The following PALS2 variants were observed in gnomAD, a reference collection of about 807,000 sequenced individuals.
PALS2 encodes the protein protein associated with LIN7 2, MAGUK p55 family member, also known as protein PALS2.
Under a neutral mutation model 61.6 loss-of-function variants are expected in PALS2, and 27 were observed. The ratio of observed to expected loss-of-function variants is 0.44; its 90% CI spans 0.32 to 0.60. The LOEUF (loss-of-function observed/expected upper bound fraction) is 0.60, where lower values mean the gene tolerates loss of function less well. Ranked by LOEUF, PALS2 falls within the 20% of genes least tolerant of loss-of-function variation. The pLI, the probability that PALS2 is intolerant of heterozygous loss-of-function variation, is 0.05. For missense variants in PALS2, 554 were observed against 639.4 expected (o/e 0.87, Z 1.44); for synonymous variants, 236 against 218.6 (o/e 1.08, Z -0.70).
At chr7:24,673,408 A>G (rs997209829) in intron 9 of PALS2, among the ~76,000 whole-genome samples, 7 of 152,204 alleles carry the variant, frequency 4.6e-5, no homozygotes, top group Non-Finnish European at 8.8e-5. Flanking sequence ...AATTCAGGGC[A>G]CATAGAATGA....
At chr7:24,587,849 A>G (rs1783132419) in intron 1 of PALS2, among the ~76,000 whole-genome samples, 1 of 152,304 alleles carries the variant, frequency 6.6e-6, no homozygotes, top group Non-Finnish European at 1.5e-5. Context: ...ATATTATGAA[A>G]CATTTAGTAG....
At chr7:24,575,667 G>A (rs1389568190) in intron 1 of PALS2, among the ~76,000 whole-genome samples, 1 of 152,128 alleles carries the variant, frequency 6.6e-6, no homozygotes, top group Non-Finnish European at 1.5e-5. Context: ...TTAATTAAAT[G>A]TCTTTCATAT....
intron 11 of PALS2, among the ~76,000 whole-genome samples, chr7:24,685,970 C>A (rs912206876): frequency 1.3e-5 from 2 of 152,154 alleles, no homozygotes; most frequent in African/African-American, 4.8e-5. Context: ...TAACCAGTCG[C>A]CTGCTGTACA....
At chr7:24,605,767 G>T (rs886572671) in intron 1 of PALS2, among the ~76,000 whole-genome samples, 1 of 152,086 alleles carries the variant, frequency 6.6e-6, no homozygotes, top group African/African-American at 2.4e-5. Flanking sequence ...ATTAATTTAT[G>T]TATACCTGTG....
chr7:24,637,699 A>G (rs1023585053), intron 2 of PALS2, among the ~76,000 whole-genome samples: 14 of 152,222 alleles, frequency 9.2e-5, no homozygotes, highest in African/African-American at 3.4e-4. Flanking sequence ...ATAGCCCACA[A>G]CTTTTGTTTG....
intron 9 of PALS2, chr7:24,674,516 A>G (rs1481122299): frequency 6.6e-6 from 1 of 152,568 alleles, no homozygotes; most frequent in Admixed American, 6.6e-5. Flanking sequence ...TAGTTCAACC[A>G]TCATACATCT....
intron 5 of PALS2, among the ~76,000 whole-genome samples, chr7:24,655,931 T>C (rs1786391264): frequency 6.6e-6 from 1 of 152,158 alleles, no homozygotes; most frequent in African/African-American, 2.4e-5. Flanking sequence ...TTCAAAACTT[T>C]TTTAACCAAA....
At chr7:24,583,627 C>CTT (rs777224415) in intron 1 of PALS2, among the ~76,000 whole-genome samples, 7,280 of 131,300 alleles carry the variant, frequency 0.055, 240 homozygotes, top group African/African-American at 0.094. Context: ...CAGATCCTTT[C>CTT]TTTTTTTTTT....
chr7:24,665,797 C>A, intron 7 of PALS2, 110 bp downstream of exon 7: 1 of 1,043,070 alleles, frequency 9.6e-7, no homozygotes, highest in Non-Finnish European at 1.4e-6. Flanking sequence ...TAGAATGAAT[C>A]CCTCCCTCTG....
intron 1 of PALS2, among the ~76,000 whole-genome samples, chr7:24,619,598 G>T (rs1306417318): frequency 6.6e-6 from 1 of 151,516 alleles, no homozygotes; most frequent in Non-Finnish European, 1.5e-5. Flanking sequence ...GGTGCCTGTA[G>T]TCCCAGCTAC....
intron 1 of PALS2, among the ~76,000 whole-genome samples, chr7:24,582,859 C>G (rs1198231984): frequency 1.1e-5 from 1 of 88,756 alleles, no homozygotes; most frequent in African/African-American, 4.4e-5. Flanking sequence ...ATTAAAGTTG[C>G]TTATTTTTGA....
chr7:24,641,829 G>T lies in PALS2; in HGVS notation c.231G>T (p.Val77=). ...CTCTAATAAATGTGGATGAAAATGT[G>T]GCAGAATTGGTTGGTATACTCAAAG... ...ITPLINVDEN[V]AELVGILKEP... Residue 77 remains valine (V), a synonymous_variant, in exon 3 of 12, where the codon GTG becomes GTT. Transcript: ENST00000222644. 3 of 1,613,048 alleles carry T rather than the reference G, an allele frequency of 1.9e-6. No homozygotes were observed. The highest frequency in any genetic ancestry group is 2.5e-6 in the Non-Finnish European group (3 of 1,179,682).
intron 9 of PALS2, among the ~76,000 whole-genome samples, chr7:24,678,816 A>T (rs1181476409): frequency 1.3e-5 from 2 of 152,202 alleles, no homozygotes; most frequent in African/African-American, 4.8e-5. Flanking sequence ...CTCTTAAAAT[A>T]TTCCCCTAAG....
intron 2 of PALS2, among the ~76,000 whole-genome samples, chr7:24,626,824 A>G (rs1784766166): frequency 6.6e-6 from 1 of 152,226 alleles, no homozygotes; most frequent in Non-Finnish European, 1.5e-5. Context: ...AGAGCTAACT[A>G]TCCTAAGTAT....
chr7:24,585,357 TCTC>T (rs1783021006), intron 1 of PALS2, among the ~76,000 whole-genome samples: 2 of 152,110 alleles, frequency 1.3e-5, no homozygotes, highest in African/African-American at 2.4e-5. Flanking sequence ...GGTTTGTAGT[TCTC>T]CTTGAAGAGG....
intron 1 of PALS2, among the ~76,000 whole-genome samples, chr7:24,590,011 AT>A (rs1480060447): frequency 2.6e-5 from 4 of 152,186 alleles, no homozygotes; most frequent in African/African-American, 9.7e-5. Flanking sequence ...GGCCTAGTAC[AT>A]TTCCAAATGC....
intron 6 of PALS2, 148 bp downstream of exon 6, chr7:24,663,869 G>C (rs1040970960): frequency 9.7e-7 from 1 of 1,027,494 alleles, no homozygotes; most frequent in African/African-American, 1.7e-5. Flanking sequence ...TACTAATTTT[G>C]TGGACATAAG....
chr7:24,582,480 A>G (rs1782882071), intron 1 of PALS2, among the ~76,000 whole-genome samples: 4 of 152,176 alleles, frequency 2.6e-5, no homozygotes, highest in Admixed American at 6.5e-5. Flanking sequence ...GAATATTACT[A>G]TAAATACTTT....
intron 2 of PALS2, among the ~76,000 whole-genome samples, chr7:24,627,754 C>G (rs1478157029): frequency 1.3e-5 from 2 of 152,142 alleles, no homozygotes; most frequent in Non-Finnish European, 2.9e-5. Context: ...TGCCAATAAA[C>G]TAGAAAATCT....
Sources: gnomAD v4.1 joint callset for allele counts (sites outside exome capture counted in the v4.1 genomes callset) on GRCh38, gnomAD v4.1.1 for gene constraint, MANE v1.5 for transcripts, NCBI Gene and HGNC (gene_info 2026-07-23, HGNC 2026-07-21) for gene names.